ZNF217: variants seen among roughly 807,000 people sequenced by gnomAD.
ZNF217 encodes zinc finger protein 217.
ZNF217 carries 12 observed loss-of-function variants against 73.3 expected under a neutral mutation model. That is an observed-to-expected ratio of 0.16 (90% CI 0.10 to 0.27). The LOEUF is 0.27. ZNF217 is among the 10% of genes least tolerant of loss of function. The probability of loss-of-function intolerance (pLI) is 1.00; values close to 1 mark genes in which losing one functional copy is unlikely to be tolerated. For missense variants in ZNF217, 1,195 were observed against 1,327.8 expected (o/e 0.90, Z 1.55); for synonymous variants, 588 against 516.4 (o/e 1.14, Z -1.88).
At position 53,576,047 on chromosome 20, in the gene ZNF217, C is replaced by T; in HGVS notation, c.2717G>A (p.Ser906Asn). The T allele has an allele frequency of 1.2e-6, 2 of 1,614,194 alleles. No individual in the cohort carries two copies. Among genetic ancestry groups the T allele is most frequent in the Non-Finnish European group, 1.7e-6 (2 of 1,180,034 alleles). ...GRDYFCNRSA[S>N]NTAAEFGEPL... is the part of the protein sequence containing the mutation. ...CTCACCAAATTCTGCTGCAGTATTGCTGGCACTCCGATTACAGAAATAGTC... is the reference window on the plus strand; with the variant it reads ...CTCACCAAATTCTGCTGCAGTATTGTTGGCACTCCGATTACAGAAATAGTC... The change falls in exon 4 of 6, where the codon AGC (serine) becomes AAC (asparagine). Residue 906 changes from serine (S) to asparagine (N), a missense_variant. By Grantham distance (46) the Ser-to-Asn change is conservative. Around this residue, in one of 9 missense-constraint regions of ZNF217, gnomAD observed 649 missense variants for 642.8 expected, o/e 1.01. Coordinates refer to ENST00000371471, the MANE Select transcript of ZNF217 (RefSeq NM_006526.3).
At position 53,576,469 on chromosome 20, in the gene ZNF217, C is replaced by T. The variant is rs763697472; in HGVS notation, c.2295G>A (p.Val765=). The change falls in exon 4 of 6, where the codon GTG becomes GTA. Residue 765 remains valine (V), a synonymous_variant. Coordinates refer to ENST00000371471, the MANE Select transcript of ZNF217 (RefSeq NM_006526.3). Reference sequence around the variant, plus strand: ...GTTTACAGAAACTAGAGAGGGGAGGCACATCTTTTCCCAGCAACGCTGGCG... The same window carrying T: ...GTTTACAGAAACTAGAGAGGGGAGGTACATCTTTTCCCAGCAACGCTGGCG... ...GCPPALLGKD[V]PPLSSFCKPK... is the part of the protein sequence containing the mutation. 4.3e-6 allele frequency: 7 copies of T among 1,614,194 alleles called. No homozygotes were observed. The South Asian group carries it at 6.6e-5, about 15-fold the overall frequency.
At chr20:53,583,303 G>A (rs1988577850) in intron 1 of ZNF217, 135 bp from the exon 2 acceptor site, 2 of 394,068 alleles carry the variant, frequency 5.1e-6, no homozygotes, top group South Asian at 1.4e-4. Context: ...TAATATATAG[G>A]GCATCCTGTT....
At chr20:53,573,104 A>G (rs1177238330) in intron 4 of ZNF217, among the ~76,000 whole-genome samples, 2 of 150,584 alleles carry the variant, frequency 1.3e-5, no homozygotes, top group Non-Finnish European at 2.9e-5. Context: ...TATCTGCAGT[A>G]TTCATAGTAT....
upstream of ZNF217, among the ~76,000 whole-genome samples, chr20:53,596,545 C>T (rs1236143966): frequency 6.6e-6 from 1 of 152,150 alleles, no homozygotes; most frequent in Non-Finnish European, 1.5e-5. Context: ...ATGTGAGACT[C>T]ATACTTCCCA....
At chr20:53,590,220 A>T (rs1988832245) in intron 1 of ZNF217, among the ~76,000 whole-genome samples, 1 of 152,128 alleles carries the variant, frequency 6.6e-6, no homozygotes, top group Admixed American at 6.5e-5. Context: ...CCTACTTTCT[A>T]ATTCTAAGGC....
chr20:53,571,868 A>C lies in ZNF217; in HGVS notation c.3038-15T>G, dbSNP rs759359605. On this transcript the variant is annotated splice_polypyrimidine_tract_variant and intron_variant, in intron 4 of 5. Coordinates refer to ENST00000371471, the MANE Select transcript of ZNF217 (RefSeq NM_006526.3). ...AGGCCTTTTTCCTGATTGAAAAAAA[A>C]AACATATTTAGAGTTAAGGTCAAAC... 6.3e-7 allele frequency: 1 copy of C among 1,586,096 alleles called. No homozygotes were observed. Among genetic ancestry groups the C allele is most frequent in the Non-Finnish European group, 8.5e-7 (1 of 1,172,322 alleles).
At chr20:53,594,245 G>A (rs1224547947), upstream of ZNF217, among the ~76,000 whole-genome samples, 1 of 151,760 alleles carries the variant, frequency 6.6e-6, no homozygotes, top group African/African-American at 2.4e-5. Flanking sequence ...TCCGGCGCTG[G>A]GGGACTGTTG....
intron 1 of ZNF217, among the ~76,000 whole-genome samples, chr20:53,591,425 A>C (rs1334491531): frequency 1.3e-5 from 2 of 152,214 alleles, no homozygotes; most frequent in African/African-American, 4.8e-5. Flanking sequence ...TTAAAATTCC[A>C]AACAAACAGA....
At chr20:53,583,605 C>T (rs948069756) in intron 1 of ZNF217, among the ~76,000 whole-genome samples, 1 of 152,140 alleles carries the variant, frequency 6.6e-6, no homozygotes, top group Non-Finnish European at 1.5e-5. Context: ...CCAGTGTATA[C>T]AAAACAATTT....
At chr20:53,580,901 C>T (rs986758662) in intron 2 of ZNF217, among the ~76,000 whole-genome samples, 3 of 152,124 alleles carry the variant, frequency 2.0e-5, no homozygotes, top group East Asian at 1.9e-4. Context: ...AGATCAGGAA[C>T]GCCAGAAAAA....
chr20:53,569,322 A>C, intron 5 of ZNF217, 58 bp from the exon 6 acceptor site: 1 of 1,188,366 alleles, frequency 8.4e-7, no homozygotes, highest in South Asian at 1.5e-5. Flanking sequence ...AGTTTAGAAA[A>C]TTCTTTCTTT....
At chr20:53,578,823 C>A (rs1326996725) in intron 2 of ZNF217, among the ~76,000 whole-genome samples, 1 of 152,176 alleles carries the variant, frequency 6.6e-6, no homozygotes, top group Non-Finnish European at 1.5e-5. Flanking sequence ...GACATACATA[C>A]TGGCGGGAAA....
intron 1 of ZNF217, among the ~76,000 whole-genome samples, chr20:53,588,003 TC>T (rs762001650): frequency 1.2e-4 from 18 of 152,122 alleles, no homozygotes; most frequent in Non-Finnish European, 2.5e-4. Flanking sequence ...GAAAGATGCT[TC>T]CAAGTTAAGC....
At position 53,572,464 on chromosome 20, in the gene ZNF217, T is replaced by A. The variant is rs1252841486; in HGVS notation, c.3038-611A>T. Among the ~76,000 whole-genome samples the A allele has an allele frequency of 2.6e-4, 39 of 151,894 alleles. 1 individual carries two copies. The highest frequency in any genetic ancestry group is 2.6e-3 in the Admixed American group (39 of 15,228). On this transcript the variant is annotated intron_variant, in intron 4 of 5. Transcript: ENST00000371471. ...GATCTGACTTGCAACACACAGAGCC[T>A]TTTCCCCCTTTAAGTAAAGACAAAG...
At chr20:53,592,403 GAAAAAA>G (rs886978817) in intron 1 of ZNF217, among the ~76,000 whole-genome samples, 1 of 151,608 alleles carries the variant, frequency 6.6e-6, no homozygotes, top group Non-Finnish European at 1.5e-5. Flanking sequence ...GAAAGAAAAA[GAAAAAA>G]AAGTTTCTGG....
chr20:53,582,155 T>A lies in ZNF217; in HGVS notation c.672A>T (p.Leu224=), dbSNP rs1988535399. 2.5e-6 allele frequency: 4 copies of A among 1,614,170 alleles called. No homozygotes were observed. Among genetic ancestry groups the A allele is most frequent in the Non-Finnish European group, 2.5e-6 (3 of 1,180,036 alleles). ...CAATTAGACTTTCTTTATTTGGAAA[T>A]AGGAAGCCACAAACCATGCAGATTT... ...PYKICMVCGF[L]FPNKESLIEH... is the part of the protein sequence containing the mutation. The change falls in exon 2 of 6, where the codon CTA becomes CTT. Residue 224 remains leucine, a synonymous_variant. Transcript: ENST00000371471. This position sits in a 1 kb window ranked among gnomAD's most constrained non-coding sequence, Gnocchi z 4.8.
In ZNF217 at chr20:53,575,896, C is replaced by T. The variant is rs756274423; in HGVS notation, c.2868G>A (p.Pro956=). 44 of 1,614,044 alleles carry T rather than the reference C, an allele frequency of 2.7e-5. 1 individual carries two copies. The highest frequency in any genetic ancestry group is 3.3e-5 in the Non-Finnish European group (39 of 1,180,028). Residue 956 remains proline, a synonymous_variant, in exon 4 of 6, where the codon CCG becomes CCA. Coordinates refer to ENST00000371471, the MANE Select transcript of ZNF217 (RefSeq NM_006526.3). ...HMVRGITSLL[P]QDCVYPSQAL... ...CCTGCGACGGATACACACAGTCCTG[C>T]GGTAACAGTGATGTGATGCCTCTGA... is the stretch of plus-strand genomic sequence containing the variant.
upstream of ZNF217, among the ~76,000 whole-genome samples, chr20:53,596,294 G>A (rs1024954838): frequency 6.6e-6 from 1 of 151,736 alleles, no homozygotes; most frequent in Non-Finnish European, 1.5e-5. Context: ...ACTGAAAGAT[G>A]ATTATAATTC....
Position 53,575,750 on chromosome 20 carries a change from G to A in ZNF217, c.3014C>T (p.Pro1005Leu), listed in dbSNP as rs747412027. ...ACCTTCTAACGTCGAGCTGGATGCT[G>A]GACTACCAGCAGGCACACAAGTGTA... ...PLYTCVPAGS[P>L]ASSSTLEGKR... The change falls in exon 4 of 6, where the codon CCA becomes CTA. Residue 1005 changes from proline to leucine, a missense_variant. By Grantham distance (98) the Pro-to-Leu change is moderately conservative. Around this residue, in one of 9 missense-constraint regions of ZNF217, gnomAD observed 649 missense variants for 642.8 expected, o/e 1.01. Transcript: ENST00000371471. 1 of 1,593,514 alleles carries A rather than the reference G, an allele frequency of 6.3e-7. No individual in the cohort carries two copies. The highest frequency in any genetic ancestry group is 8.5e-7 in the Non-Finnish European group (1 of 1,169,694).
Sources: gnomAD v4.1 joint callset for allele counts (sites outside exome capture counted in the v4.1 genomes callset) on GRCh38, gnomAD v4.1.1 for gene constraint, gnomAD v4.1.1 regional missense constraint, Gnocchi (gnomAD v3.1) non-coding constraint, MANE v1.5 for transcripts, NCBI Gene and HGNC (gene_info 2026-07-23, HGNC 2026-07-21) for gene names.